The following DLC1 variants were observed in gnomAD, a reference collection of about 807,000 sequenced individuals.
DLC1 encodes the protein DLC1 Rho GTPase activating protein, also known as rho GTPase-activating protein 7.
DLC1 carries 54 observed loss-of-function variants against 140.3 expected under a neutral mutation model. The ratio of observed to expected loss-of-function variants is 0.38; its 90% CI spans 0.31 to 0.48. The LOEUF is 0.48. Ranked by LOEUF, DLC1 falls within the 20% of genes least tolerant of loss-of-function variation. DLC1 has a pLI of 0.96. For synonymous variants in DLC1, 986 were observed against 728.1 expected, an observed-to-expected ratio of 1.35 and a Z score of -5.70; for missense variants, 2,536 against 1,907.0, an observed-to-expected ratio of 1.33 and a Z score of -6.14.
intron 4 of DLC1, among the ~76,000 whole-genome samples, chr8:13,368,925 G>A (rs1404115420): frequency 6.6e-6 from 1 of 152,120 alleles, no homozygotes; most frequent in Non-Finnish European, 1.5e-5. Flanking sequence ...CTGGTTTCAA[G>A]CAATTCCCCT....
chr8:13,318,508 C>T (rs1032162636), intron 4 of DLC1, among the ~76,000 whole-genome samples: 5 of 152,156 alleles, frequency 3.3e-5, no homozygotes, highest in African/African-American at 1.2e-4. Context: ...TCATGTTCTC[C>T]CCTTCTCTTC....
At chr8:13,291,353 T>G (rs544242675) in intron 5 of DLC1, among the ~76,000 whole-genome samples, 8 of 152,362 alleles carry the variant, frequency 5.3e-5, no homozygotes, top group Non-Finnish European at 1.2e-4. Flanking sequence ...ATAGTAAATA[T>G]TTTTTGTTAA....
intron 5 of DLC1, among the ~76,000 whole-genome samples, chr8:13,228,404 T>A (rs1202270817): frequency 6.6e-6 from 1 of 151,728 alleles, no homozygotes; most frequent in East Asian, 1.9e-4. Flanking sequence ...ATGGAATACA[T>A]AATAAACTCT....
At chr8:13,600,346 A>G (rs148789942) in intron 1 of DLC1, among the ~76,000 whole-genome samples, 11 of 152,048 alleles carry the variant, frequency 7.2e-5, no homozygotes, top group African/African-American at 2.6e-4. Context: ...GGAAATAAGG[A>G]CCTGAAGTAA....
chr8:13,134,413 AG>A, intron 5 of DLC1, among the ~76,000 whole-genome samples: 1 of 152,308 alleles, frequency 6.6e-6, no homozygotes, highest in South Asian at 2.1e-4. Flanking sequence ...TCCCTCCTGG[AG>A]GTTACTTTCT....
rs571215105 is a variant in DLC1 at position 13,146,197 on chromosome 8, C to A, written c.1349-30540G>T. Among the ~76,000 whole-genome samples, 5 of 151,866 alleles carry A rather than the reference C, an allele frequency of 3.3e-5. No individual in the cohort carries two copies. In the South Asian group the frequency reaches 1.0e-3, roughly 32 times the overall value. ...GGCTGAGGCAGGAGAATCACTTGAA[C>A]CCGGGAGGTGGAGGCCGAAGTGAGA... On this transcript the variant is annotated intron_variant, in intron 5 of 17. Coordinates refer to ENST00000276297, the MANE Select transcript of DLC1 (RefSeq NM_182643.3).
chr8:13,473,188 C>T (rs766728771), intron 2 of DLC1, among the ~76,000 whole-genome samples: 1 of 152,122 alleles, frequency 6.6e-6, no homozygotes, highest in Non-Finnish European at 1.5e-5. Flanking sequence ...GACAGGTTTT[C>T]AGTAGAGAAT....
intron 2 of DLC1, among the ~76,000 whole-genome samples, chr8:13,496,925 C>G (rs946224278): frequency 2.0e-5 from 3 of 150,886 alleles, no homozygotes. Context: ...CTCAGCCTCC[C>G]GAGTAGCTGG....
At chr8:13,187,722 T>C (rs1229062903) in intron 5 of DLC1, among the ~76,000 whole-genome samples, 1 of 152,172 alleles carries the variant, frequency 6.6e-6, no homozygotes, top group Non-Finnish European at 1.5e-5. Flanking sequence ...ATCAAAATCA[T>C]CCGGGAATAC....
At chr8:13,106,515 T>C (rs947353732) in intron 7 of DLC1, among the ~76,000 whole-genome samples, 1 of 152,168 alleles carries the variant, frequency 6.6e-6, no homozygotes, top group African/African-American at 2.4e-5. Context: ...GCCTGGCTAA[T>C]TTTTGTTCTT....
At chr8:13,429,526 T>C (rs2117385229) in intron 2 of DLC1, among the ~76,000 whole-genome samples, 1 of 152,304 alleles carries the variant, frequency 6.6e-6, no homozygotes, top group Non-Finnish European at 1.5e-5. Flanking sequence ...TACAAAAAGC[T>C]TAGATGTACA....
intron 2 of DLC1, among the ~76,000 whole-genome samples, chr8:13,437,205 G>A (rs1444098985): frequency 6.6e-6 from 1 of 152,148 alleles, no homozygotes; most frequent in African/African-American, 2.4e-5. Context: ...AACAGGCTCA[G>A]TTTCCTCTTG....
chr8:13,346,621 T>C (rs1444938674), intron 4 of DLC1, among the ~76,000 whole-genome samples: 1 of 152,212 alleles, frequency 6.6e-6, no homozygotes, highest in Non-Finnish European at 1.5e-5. Flanking sequence ...AAAGCAAGCA[T>C]AGTTCCTCGA....
intron 5 of DLC1, among the ~76,000 whole-genome samples, chr8:13,211,349 T>C (rs1166085030): frequency 6.6e-6 from 1 of 152,012 alleles, no homozygotes; most frequent in Non-Finnish European, 1.5e-5. Context: ...ACCGTTTTGC[T>C]GTACTCTGTG....
intron 1 of DLC1, among the ~76,000 whole-genome samples, chr8:13,575,523 C>A (rs1804808470): frequency 6.6e-6 from 1 of 151,990 alleles, no homozygotes; most frequent in Non-Finnish European, 1.5e-5. Context: ...AGCATATGGG[C>A]TTTCTTATCA....
intron 5 of DLC1, among the ~76,000 whole-genome samples, chr8:13,192,524 C>T (rs934728597): frequency 6.6e-6 from 1 of 152,148 alleles, no homozygotes; most frequent in Non-Finnish European, 1.5e-5. Flanking sequence ...CTTCTCCTCT[C>T]CCCCAGCACT....
At chr8:13,169,602 A>G (rs1825323093) in intron 5 of DLC1, among the ~76,000 whole-genome samples, 1 of 152,326 alleles carries the variant, frequency 6.6e-6, no homozygotes, top group Non-Finnish European at 1.5e-5. Flanking sequence ...GGTTTTGGCC[A>G]AGTCTTAATC....
chr8:13,101,003 C>T (rs1819038249), intron 8 of DLC1: 2 of 430,408 alleles, frequency 4.6e-6, no homozygotes, highest in South Asian at 1.8e-4. Context: ...GATCCTCCCA[C>T]CTGAGCCTCC....
intron 5 of DLC1, among the ~76,000 whole-genome samples, chr8:13,287,810 A>G (rs1332574630): frequency 6.6e-6 from 1 of 152,192 alleles, no homozygotes; most frequent in Non-Finnish European, 1.5e-5. Flanking sequence ...TGGAGAAAGG[A>G]AATAAAACAG....
Sources: gnomAD v4.1 joint callset for allele counts (sites outside exome capture counted in the v4.1 genomes callset) on GRCh38, gnomAD v4.1.1 for gene constraint, MANE v1.5 for transcripts, NCBI Gene and HGNC (gene_info 2026-07-23, HGNC 2026-07-21) for gene names.